ZNF445: variants seen among roughly 807,000 people sequenced by gnomAD.
ZNF445 encodes zinc finger protein 445, also known as zinc finger protein 168.
Under a neutral mutation model 93.9 loss-of-function variants are expected in ZNF445, and 19 were observed. That is an observed-to-expected ratio of 0.20 (90% CI 0.14 to 0.30). ZNF445 has a LOEUF of 0.30. Ranked by LOEUF, ZNF445 falls within the 10% of genes least tolerant of loss-of-function variation. The pLI, the probability that ZNF445 is intolerant of heterozygous loss-of-function variation, is 1.00. For synonymous variants in ZNF445, 449 were observed against 446.3 expected (o/e 1.01, Z -0.08); for missense variants, 1,058 against 1,259.4 (o/e 0.84, Z 2.42).
At position 44,456,311 on chromosome 3, in the gene ZNF445, G is replaced by A. The variant is rs142302815; in HGVS notation, c.-147-615C>T. On this transcript the variant is annotated intron_variant, in intron 2 of 7. Transcript: ENST00000396077. ...GCGTGCCTGTAATCCCAGCTACTCA[G>A]GAAGCTGAGGCACAAGAATCACTTG... Among the ~76,000 whole-genome samples, 136 of 152,254 alleles carry A rather than the reference G, an allele frequency of 8.9e-4. No individual in the cohort carries two copies. The East Asian group carries it at 0.023, about 26-fold the overall frequency.
In ZNF445 at chr3:44,438,759, C is replaced by G. The variant is rs1421262790; in HGVS notation, c.*7816G>C. On this transcript the variant is annotated 3_prime_UTR_variant, in exon 8 of 8. Coordinates refer to ENST00000396077, the MANE Select transcript of ZNF445 (RefSeq NM_181489.6). Reference sequence around the variant, plus strand: ...GAAATAATCATTCTCAGTAAACTATCGCAAGAACAAAAAACCAAACACCGC... The same window carrying G: ...GAAATAATCATTCTCAGTAAACTATGGCAAGAACAAAAAACCAAACACCGC... 1 of 150,528 alleles carries G rather than the reference C, an allele frequency of 6.6e-6. No homozygotes were observed. The highest frequency in any genetic ancestry group is 1.5e-5 in the Non-Finnish European group (1 of 67,896). The allele number at this position is 150,528 out of a possible 1,614,324, so 9.3% of individuals were successfully genotyped here.
At chr3:44,457,076 G>A (rs1405537473) in intron 2 of ZNF445, among the ~76,000 whole-genome samples, 2 of 152,164 alleles carry the variant, frequency 1.3e-5, no homozygotes, top group African/African-American at 4.8e-5. Flanking sequence ...TTTGCAGTGA[G>A]ACAAGATCGT....
intron 1 of ZNF445, among the ~76,000 whole-genome samples, chr3:44,462,934 C>T (rs1344466107): frequency 6.6e-6 from 1 of 151,052 alleles, no homozygotes; most frequent in Non-Finnish European, 1.5e-5. Context: ...ATTTAAAAGG[C>T]CTTTTTTTTT....
At chr3:44,460,879 G>GTAGC (rs1698104902) in intron 1 of ZNF445, among the ~76,000 whole-genome samples, 1 of 152,124 alleles carries the variant, frequency 6.6e-6, no homozygotes, top group African/African-American at 2.4e-5. Context: ...GACTGCCCTT[G>GTAGC]TAGCTACCTG....
intron 4 of ZNF445, 52 bp from the exon 5 acceptor site, chr3:44,451,014 A>G: frequency 7.0e-7 from 1 of 1,420,758 alleles, no homozygotes; most frequent in Non-Finnish European, 9.4e-7. Flanking sequence ...CAGCCCAGTG[A>G]GAAGCCCACT....
At position 44,455,361 on chromosome 3, in the gene ZNF445, G is replaced by A. The variant is rs751426288; in HGVS notation, c.189C>T (p.Tyr63=). 4.0e-5 allele frequency: 65 copies of A among 1,613,962 alleles called. No individual in the cohort carries two copies. The South Asian group carries it at 7.0e-4, about 17-fold the overall frequency. The change falls in exon 3 of 8, where the codon TAC becomes TAT. Residue 63 remains tyrosine, a synonymous_variant. Coordinates refer to ENST00000396077, the MANE Select transcript of ZNF445 (RefSeq NM_181489.6). Reference sequence around the variant, plus strand: ...TTTCTAGGGGCCCTGAAGACTCATGGTAGCGAAGCTGTCTGAAGAGCTGGC... The same window carrying A: ...TTTCTAGGGGCCCTGAAGACTCATGATAGCGAAGCTGTCTGAAGAGCTGGC... ...LFRQLFRQLR[Y]HESSGPLETL...
In ZNF445 at chr3:44,440,194, G is replaced by A. The variant is rs905413658; in HGVS notation, c.*6381C>T. ...TATAAGGTCTTTGCTAAAATAACTG[G>A]TGTGGTTTCTGGCAACTAAAACCTG... On this transcript the variant is annotated 3_prime_UTR_variant, in exon 8 of 8. Coordinates refer to ENST00000396077, the MANE Select transcript of ZNF445 (RefSeq NM_181489.6). The A allele has an allele frequency of 1.3e-5, 2 of 152,136 alleles. No individual in the cohort carries two copies. The highest frequency in any genetic ancestry group is 1.9e-4 in the East Asian group (1 of 5,204). 9.4% of individuals were successfully genotyped at this position (152,136 alleles called of 1,614,324 possible).
chr3:44,453,473 T>G (rs1697984376), intron 3 of ZNF445, among the ~76,000 whole-genome samples: 1 of 151,852 alleles, frequency 6.6e-6, no homozygotes, highest in African/African-American at 2.4e-5. Context: ...TTCTGCCCTT[T>G]TAGTAGAAAT....
intron 1 of ZNF445, among the ~76,000 whole-genome samples, chr3:44,475,551 A>T (rs1012302046): frequency 6.6e-6 from 1 of 152,188 alleles, no homozygotes; most frequent in Non-Finnish European, 1.5e-5. Context: ...AGGACATTTA[A>T]TACTGTCAAT....
In ZNF445 at chr3:44,449,388, C is replaced by A. The variant is rs1575308697; in HGVS notation, c.931+125G>T. 4 of 814,456 alleles carry A rather than the reference C, an allele frequency of 4.9e-6. No homozygotes were observed. The East Asian group carries it at 1.1e-4, about 22-fold the overall frequency. The allele number at this position is 814,456 out of a possible 1,614,324, so 50.5% of individuals were successfully genotyped here. A position where few individuals can be genotyped will look rare whatever the true frequency, so the allele number is the denominator to read the frequency against. ...AGACCCAGTGGCCCAAGCACCCTTACCAACACTGTTAAAGATCTTCCTTCC... is the reference window on the plus strand; with the variant it reads ...AGACCCAGTGGCCCAAGCACCCTTAACAACACTGTTAAAGATCTTCCTTCC... On this transcript the variant is annotated intron_variant, in intron 7 of 7. Coordinates refer to ENST00000396077, the MANE Select transcript of ZNF445 (RefSeq NM_181489.6).
chr3:44,452,516 A>C (rs1032253107), intron 3 of ZNF445, among the ~76,000 whole-genome samples: 1 of 152,160 alleles, frequency 6.6e-6, no homozygotes, highest in African/African-American at 2.4e-5. Flanking sequence ...TCCAAATTTG[A>C]GGGGCTTCTC....
chr3:44,470,222 G>A (rs542415853), intron 1 of ZNF445, among the ~76,000 whole-genome samples: 4 of 152,138 alleles, frequency 2.6e-5, no homozygotes, highest in Non-Finnish European at 5.9e-5. Flanking sequence ...AATGCCTGGC[G>A]TCCAAGGACA....
intron 4 of ZNF445, 141 bp downstream of exon 4, chr3:44,451,173 T>C (rs1009162021): frequency 4.2e-6 from 5 of 1,178,272 alleles, no homozygotes; most frequent in Non-Finnish European, 6.1e-6. Context: ...ATATAGGTTA[T>C]AGAATGGATG....
intron 6 of ZNF445, 133 bp downstream of exon 6, chr3:44,450,314 A>T: frequency 9.4e-7 from 1 of 1,067,322 alleles, no homozygotes; most frequent in Non-Finnish European, 1.4e-6. Flanking sequence ...CCAAGGTGCT[A>T]GATTAAGTGA....
In ZNF445 at chr3:44,447,170, A is replaced by T. The variant is rs755310028; in HGVS notation, c.2501T>A (p.Leu834His). 1.2e-6 allele frequency: 2 copies of T among 1,614,056 alleles called. No individual in the cohort carries two copies. Among genetic ancestry groups the T allele is most frequent in the Non-Finnish European group, 1.7e-6 (2 of 1,180,026 alleles). Residue 834 changes from leucine (L) to histidine (H), a missense_variant, in exon 8 of 8, where the codon CTC becomes CAC. Transcript: ENST00000396077. The surrounding 1 kb of genome is among the most constrained non-coding windows in gnomAD (Gnocchi z 4.7). The stretch of plus-strand genomic sequence containing the variant: ...ACACCAAAAACGTTTCTCACCAGTG[A>T]GGATTTTTGGCTCCACATTTGGAGT... ...EKTPNVEPKILTGEKRFWCQE... is the reference protein window; with the variant it reads ...EKTPNVEPKIHTGEKRFWCQE...
rs150019772 is a variant in ZNF445, at chr3:44,437,055, C to T, written c.*9520G>A. The T allele has an allele frequency of 5.3e-5, 8 of 152,174 alleles. No homozygotes were observed. The highest frequency in any genetic ancestry group is 1.9e-4 in the East Asian group (1 of 5,156). The allele number at this position is 152,174 out of a possible 1,614,324, so 9.4% of individuals were successfully genotyped here. ...GGCTACTCCATAGACAGAGCAGCCCCGAGGGCTGCTGGTTGTCTATTTTAT... is the reference window on the plus strand; with the variant it reads ...GGCTACTCCATAGACAGAGCAGCCCTGAGGGCTGCTGGTTGTCTATTTTAT... On this transcript the variant is annotated 3_prime_UTR_variant, in exon 8 of 8. Transcript: ENST00000396077.
Position 44,440,884 on chromosome 3 carries a change from A to G in ZNF445, c.*5691T>C, listed in dbSNP as rs2125676169. On this transcript the variant is annotated 3_prime_UTR_variant, in exon 8 of 8. Coordinates refer to ENST00000396077, the MANE Select transcript of ZNF445 (RefSeq NM_181489.6). ...AGGGTTCCTCTCCTTTTTAGACCAT[A>G]TAGTGTTACTTCCTGATGTTGCCAT... 2 of 150,978 alleles carry G rather than the reference A, an allele frequency of 1.3e-5. No homozygotes were observed. The highest frequency in any genetic ancestry group is 4.2e-4 in the South Asian group (2 of 4,754). 9.4% of individuals were successfully genotyped at this position (150,978 alleles called of 1,614,324 possible).
intron 1 of ZNF445, among the ~76,000 whole-genome samples, chr3:44,467,538 C>A (rs917847950): frequency 6.6e-6 from 1 of 152,146 alleles, no homozygotes; most frequent in Non-Finnish European, 1.5e-5. Context: ...CCCAAGTTAT[C>A]TTGGGACCTC....
rs1697663944 is a variant in ZNF445, at chr3:44,435,715, T to C, written c.*10860A>G. On this transcript the variant is annotated 3_prime_UTR_variant, in exon 8 of 8. Transcript: ENST00000396077. ...AACTAGTGTGGGATTCTGCCCATTGTTGACTATGTCTATTCTAATTACGCA... is the reference window on the plus strand; with the variant it reads ...AACTAGTGTGGGATTCTGCCCATTGCTGACTATGTCTATTCTAATTACGCA... 1 of 152,232 alleles carries C rather than the reference T, an allele frequency of 6.6e-6. No individual in the cohort carries two copies. Among genetic ancestry groups the C allele is most frequent in the Non-Finnish European group, 1.5e-5 (1 of 68,040 alleles). The allele number at this position is 152,232 out of a possible 1,614,324, so 9.4% of individuals were successfully genotyped here.
Sources: allele counts gnomAD v4.1 joint callset (sites outside exome capture counted in the v4.1 genomes callset), GRCh38; gene constraint gnomAD v4.1.1; non-coding constraint Gnocchi (gnomAD v3.1); transcripts MANE v1.5; gene names NCBI Gene and HGNC (gene_info 2026-07-23, HGNC 2026-07-21).